ALK: variants seen among roughly 807,000 people sequenced by gnomAD.
ALK encodes the protein ALK tyrosine kinase receptor.
A neutral mutation model predicts 163.1 loss-of-function variants in ALK; 74 were observed. The ratio of observed to expected loss-of-function variants is 0.45; its 90% CI spans 0.38 to 0.55. The LOEUF is 0.55. Ranked by LOEUF, ALK falls within the 20% of genes least tolerant of loss-of-function variation. The pLI, the probability that ALK is intolerant of heterozygous loss-of-function variation, is 0.00. For missense variants in ALK, 2,063 were observed against 2,105.3 expected, an observed-to-expected ratio of 0.98 and a Z score of 0.39; for synonymous variants, 960 against 843.2, an observed-to-expected ratio of 1.14 and a Z score of -2.40.
chr2:29,594,498 G>T (rs971090095), intron 3 of ALK, among the ~76,000 whole-genome samples: 2 of 145,886 alleles, frequency 1.4e-5, no homozygotes, highest in Non-Finnish European at 3.0e-5. Flanking sequence ...GCACAATCTC[G>T]GCTCACTGCA....
chr2:29,224,198 C>A (rs202094073), intron 19 of ALK, among the ~76,000 whole-genome samples: 4,394 of 152,208 alleles, frequency 0.029, 100 homozygotes, highest in Non-Finnish European at 0.043. Context: ...GGAGAACTGC[C>A]AAGCCACAGA....
At chr2:29,350,315 T>C (rs1055715207) in intron 5 of ALK, among the ~76,000 whole-genome samples, 1 of 152,236 alleles carries the variant, frequency 6.6e-6, no homozygotes, top group Non-Finnish European at 1.5e-5. Flanking sequence ...TATTATTTTA[T>C]TCTGCATGCT....
In ALK at chr2:29,919,993, C is replaced by A. The variant is rs1667944200; in HGVS notation, c.667G>T (p.Gly223Cys). The change falls in exon 1 of 29, where the codon GGT (glycine) becomes TGT (cysteine). Residue 223 changes from glycine (G) to cysteine (C), a missense_variant and splice_region_variant. This residue lies in a region of ALK where 987 missense variants were observed against 939.5 expected (regional missense o/e 1.05). Coordinates refer to ENST00000389048, the MANE Select transcript of ALK (RefSeq NM_004304.5). ...GCACACTCAGGCGGGAGCTGCTCAC[C>A]AGTCCCGAAGATCTGGAAGAGAAGG... ...PRLLFQIFGT[G>C]HSSLESPTNM... is the part of the protein sequence containing the mutation. The A allele has an allele frequency of 6.2e-7, 1 of 1,613,514 alleles. No individual in the cohort carries two copies. The highest frequency in any genetic ancestry group is 8.5e-7 in the Non-Finnish European group (1 of 1,179,578).
chr2:29,847,915 G>A (rs1665888640), intron 1 of ALK, among the ~76,000 whole-genome samples: 1 of 152,088 alleles, frequency 6.6e-6, no homozygotes, highest in Non-Finnish European at 1.5e-5. Flanking sequence ...AGAAGGAGAA[G>A]CAGAGATGGG....
At chr2:29,862,410 A>G (rs963439048) in intron 1 of ALK, among the ~76,000 whole-genome samples, 3 of 152,190 alleles carry the variant, frequency 2.0e-5, no homozygotes, top group African/African-American at 7.2e-5. Context: ...AGATTCCACC[A>G]ACGAACTGTT....
Position 29,297,005 on chromosome 2 carries a change from A to G in ALK, c.1700T>C (p.Val567Ala). Residue 567 changes from valine to alanine, a missense_variant, in exon 9 of 29, where the codon GTG becomes GCG. Val to Ala is a moderately conservative substitution (Grantham distance 64). Around this residue, in one of 5 missense-constraint regions of ALK, gnomAD observed 987 missense variants for 939.5 expected, o/e 1.05. Transcript: ENST00000389048. The stretch of plus-strand genomic sequence containing the variant: ...CTTCCCGGTTTTGTTCTCCACTAGC[A>G]CCAAGGACACGTTTCCCCTCAAGAC... ...RGVLRGNVSL[V>A]LVENKTGKEQ... The G allele has an allele frequency of 6.2e-7, 1 of 1,614,184 alleles. No homozygotes were observed. Among genetic ancestry groups the G allele is most frequent in the Middle Eastern group, 1.6e-4 (1 of 6,062 alleles).
chr2:29,512,683 A>G (rs1440501029), intron 4 of ALK, among the ~76,000 whole-genome samples: 2 of 150,414 alleles, frequency 1.3e-5, no homozygotes, highest in African/African-American at 2.5e-5. Context: ...AAGGGTATTC[A>G]ATTAGGAAAA....
At chr2:29,419,349 T>C (rs549455209) in intron 4 of ALK, among the ~76,000 whole-genome samples, 1 of 151,516 alleles carries the variant, frequency 6.6e-6, no homozygotes, top group Non-Finnish European at 1.5e-5. Flanking sequence ...CCACCGCAAC[T>C]GGCCAAGATG....
At chr2:29,619,343 C>T (rs72862856) in intron 3 of ALK, among the ~76,000 whole-genome samples, 5,922 of 152,318 alleles carry the variant, frequency 0.039, 249 homozygotes, top group African/African-American at 0.1. Flanking sequence ...GGTGCTTTCA[C>T]GGAGCTGGCT....
At chr2:29,641,488 T>A (rs979976831) in intron 3 of ALK, among the ~76,000 whole-genome samples, 2 of 152,178 alleles carry the variant, frequency 1.3e-5, no homozygotes, top group African/African-American at 4.8e-5. Flanking sequence ...ACAGGGGCCC[T>A]GAGACAGACA....
chr2:29,808,116 G>T (rs1352397510), intron 1 of ALK, among the ~76,000 whole-genome samples: 1 of 151,922 alleles, frequency 6.6e-6, no homozygotes, highest in Non-Finnish European at 1.5e-5. Context: ...AACCATATAA[G>T]GTTTCTTCCT....
At chr2:29,555,649 A>G (rs1174316947) in intron 3 of ALK, among the ~76,000 whole-genome samples, 1 of 152,216 alleles carries the variant, frequency 6.6e-6, no homozygotes, top group Non-Finnish European at 1.5e-5. Context: ...ACAAAAGCCC[A>G]ACTGAAGAAG....
chr2:29,296,819 A>G, intron 9 of ALK, 69 bp downstream of exon 9: 1 of 1,602,080 alleles, frequency 6.2e-7, no homozygotes, highest in Non-Finnish European at 8.5e-7. Context: ...GGGGAAAGGG[A>G]AGGCATGATT....
chr2:29,902,630 T>A (rs183967184), intron 1 of ALK, among the ~76,000 whole-genome samples: 2 of 152,322 alleles, frequency 1.3e-5, no homozygotes, highest in East Asian at 3.9e-4. Context: ...TTCTCCAAAC[T>A]GAGAGGGCCC....
intron 5 of ALK, among the ~76,000 whole-genome samples, chr2:29,363,255 T>C (rs899830347): frequency 3.3e-5 from 5 of 152,218 alleles, no homozygotes; most frequent in African/African-American, 4.8e-5. Flanking sequence ...GCTCTGGGAA[T>C]GTCTCTTCTC....
At chr2:29,317,806 G>A (rs1224019276) in intron 8 of ALK, among the ~76,000 whole-genome samples, 1 of 62,192 alleles carries the variant, frequency 1.6e-5, no homozygotes, top group Non-Finnish European at 4.5e-5. Flanking sequence ...GGAACAGGGC[G>A]CCAGTCCCTC....
intron 4 of ALK, among the ~76,000 whole-genome samples, chr2:29,444,912 A>G (rs902184771): frequency 2.6e-5 from 4 of 152,174 alleles, no homozygotes; most frequent in African/African-American, 7.2e-5. Context: ...CCAAATTTAC[A>G]GGATTAGTCT....
intron 3 of ALK, among the ~76,000 whole-genome samples, chr2:29,540,822 T>TA (rs1023500198): frequency 7.9e-5 from 12 of 152,156 alleles, no homozygotes; most frequent in African/African-American, 2.9e-4. Context: ...AAACTAAAGA[T>TA]AGGCCACTTA....
chr2:29,696,843 C>T (rs550515432), intron 2 of ALK, among the ~76,000 whole-genome samples: 21 of 151,916 alleles, frequency 1.4e-4, no homozygotes, highest in African/African-American at 5.1e-4. Context: ...CTTCCCACTG[C>T]TCTGGGAGAA....
Sources: allele counts gnomAD v4.1 joint callset (sites outside exome capture counted in the v4.1 genomes callset), GRCh38; gene constraint gnomAD v4.1.1; regional missense constraint gnomAD v4.1.1; transcripts MANE v1.5; gene names NCBI Gene and HGNC (gene_info 2026-07-23, HGNC 2026-07-21).